Variants in COL14A1 observed in about 807,000 individuals in gnomAD.
COL14A1 encodes collagen type XIV alpha 1 chain.
COL14A1 carries 136 observed loss-of-function variants against 230.3 expected under a neutral mutation model. The observed-to-expected ratio is 0.59, with a 90% CI of 0.51 to 0.68. The LOEUF is 0.68. COL14A1 is among the 30% of genes least tolerant of loss of function. COL14A1 has a pLI of 0.00. For missense variants in COL14A1, 1,976 were observed against 2,215.8 expected (o/e 0.89, Z 2.17); for synonymous variants, 792 against 784.1 (o/e 1.01, Z -0.17).
intron 14 of COL14A1, among the ~76,000 whole-genome samples, chr8:120,219,364 A>G (rs1424495748): frequency 6.6e-6 from 1 of 152,176 alleles, no homozygotes; most frequent in Admixed American, 6.5e-5. Context: ...TTGGCCTCCC[A>G]AAGTGCTGGA....
intron 44 of COL14A1, 119 bp downstream of exon 44, chr8:120,342,565 A>T: frequency 3.3e-6 from 3 of 918,918 alleles, no homozygotes; most frequent in Non-Finnish European, 3.4e-6. Flanking sequence ...TTGTGCAGAC[A>T]CATAAGCTTT....
At chr8:120,132,990 G>T (rs1337646065) in intron 1 of COL14A1, among the ~76,000 whole-genome samples, 2 of 152,098 alleles carry the variant, frequency 1.3e-5, no homozygotes, top group African/African-American at 4.8e-5. Context: ...GGCCGAGACG[G>T]GCGGATCACG....
chr8:120,150,547 CCT>C (rs1305417958), intron 2 of COL14A1, among the ~76,000 whole-genome samples: 2 of 152,154 alleles, frequency 1.3e-5, no homozygotes, highest in African/African-American at 4.8e-5. Flanking sequence ...CATCTTGACC[CCT>C]GTGTCATTAC....
chr8:120,348,875 A>C (rs564437893), intron 45 of COL14A1, among the ~76,000 whole-genome samples: 1 of 152,336 alleles, frequency 6.6e-6, no homozygotes, highest in Non-Finnish European at 1.5e-5. Flanking sequence ...GGACAAAAGA[A>C]ATTATTTTTA....
intron 46 of COL14A1, among the ~76,000 whole-genome samples, chr8:120,367,684 C>T (rs1056967891): frequency 6.7e-6 from 1 of 150,038 alleles, no homozygotes; most frequent in Non-Finnish European, 1.5e-5. Context: ...TCCTGTAAGC[C>T]CAGCGTTTTG....
intron 45 of COL14A1, among the ~76,000 whole-genome samples, chr8:120,355,504 C>A (rs181162861): frequency 1.7e-3 from 254 of 151,894 alleles, no homozygotes; most frequent in African/African-American, 5.8e-3. Flanking sequence ...CCTCCGCCCC[C>A]CGGGTTCAAG....
chr8:120,226,718 G>A lies in COL14A1; in HGVS notation c.1956G>A (p.Gly652=), dbSNP rs1400515612. Residue 652 remains glycine, a synonymous_variant, in exon 16 of 48, where the codon GGG becomes GGA. Coordinates refer to ENST00000297848, the MANE Select transcript of COL14A1 (RefSeq NM_021110.4). ...VTWHPLSADE[G]LHKLMWIPVY... is the part of the protein sequence containing the mutation. The stretch of plus-strand genomic sequence containing the variant: ...GGCATCCCCTCTCAGCTGATGAAGG[G>A]CTACACAAATTGATGTGGATTCCAG... The A allele has an allele frequency of 6.2e-7, 1 of 1,613,798 alleles. No homozygotes were observed. Among genetic ancestry groups the A allele is most frequent in the South Asian group, 1.1e-5 (1 of 91,024 alleles).
rs558179890 is a variant in COL14A1 at position 120,316,833 on chromosome 8, A to G, written c.4659+836A>G. 1.2e-3 allele frequency among the ~76,000 whole-genome samples: 178 copies of G among 152,222 alleles called. 1 individual carries two copies. The highest frequency in any genetic ancestry group is 4.2e-3 in the African/African-American group (173 of 41,550). ...CAAGGGAAGGTGGAGCATTTCCAAT[A>G]TTGTACATCGTTTAGTATGGCAGAA... On this transcript the variant is annotated intron_variant, in intron 40 of 47. Transcript: ENST00000297848.
At chr8:120,235,249 A>C (rs1818402538) in intron 19 of COL14A1, among the ~76,000 whole-genome samples, 1 of 152,002 alleles carries the variant, frequency 6.6e-6, no homozygotes, top group African/African-American at 2.4e-5. Context: ...GGTTCACTGC[A>C]ACCTCCTCCT....
intron 36 of COL14A1, among the ~76,000 whole-genome samples, chr8:120,309,067 T>C (rs556194345): frequency 4.9e-4 from 75 of 152,292 alleles, no homozygotes; most frequent in Non-Finnish European, 8.5e-4. Flanking sequence ...CCTGAGTAGC[T>C]GGGACTGCAG....
At chr8:120,347,172 C>T (rs928215287) in intron 45 of COL14A1, among the ~76,000 whole-genome samples, 6 of 152,048 alleles carry the variant, frequency 3.9e-5, no homozygotes, top group African/African-American at 1.2e-4. Context: ...CTTGCCAGAC[C>T]GAGTCTCTCC....
chr8:120,357,509 A>C (rs1044033105), intron 45 of COL14A1, among the ~76,000 whole-genome samples: 1 of 152,120 alleles, frequency 6.6e-6, no homozygotes, highest in African/African-American at 2.4e-5. Flanking sequence ...TATTTGTTAG[A>C]AGGGAGTCAC....
At chr8:120,208,391 C>A in intron 11 of COL14A1, 30 bp downstream of exon 11, 2 of 1,603,320 alleles carry the variant, frequency 1.2e-6, no homozygotes, top group Non-Finnish European at 1.7e-6. Flanking sequence ...CCACTTCTAA[C>A]TTTGTAGAGT....
In COL14A1 at chr8:120,226,787, T is replaced by C. The variant is rs760557608; in HGVS notation, c.2004+21T>C. 1.1e-5 allele frequency: 17 copies of C among 1,609,216 alleles called. 1 individual carries two copies. The highest frequency in any genetic ancestry group is 8.5e-7 in the Non-Finnish European group (1 of 1,176,846). On this transcript the variant is annotated intron_variant, in intron 16 of 47. Transcript: ENST00000297848. Reference sequence around the variant, plus strand: ...AGGAGGTGAGTTTTCTGAAACAGACTGAAAATTAATCTGGAGCATTAGTGA... The same window carrying C: ...AGGAGGTGAGTTTTCTGAAACAGACCGAAAATTAATCTGGAGCATTAGTGA...
In COL14A1 at chr8:120,229,700, A is replaced by G. The variant is rs565599662; in HGVS notation, c.2197+931A>G. ...AGGAATCGCCACACTGTCTTCCACAATGATTGAACTAGTTTACAGTCCCAC... is the reference window on the plus strand; with the variant it reads ...AGGAATCGCCACACTGTCTTCCACAGTGATTGAACTAGTTTACAGTCCCAC... On this transcript the variant is annotated intron_variant, in intron 18 of 47. Coordinates refer to ENST00000297848, the MANE Select transcript of COL14A1 (RefSeq NM_021110.4). Among the ~76,000 whole-genome samples the G allele has an allele frequency of 1.0e-3, 157 of 152,270 alleles. 1 individual carries two copies. The highest frequency in any genetic ancestry group is 3.5e-3 in the African/African-American group (147 of 41,536).
intron 5 of COL14A1, among the ~76,000 whole-genome samples, chr8:120,178,349 A>G (rs1377001046): frequency 2.0e-5 from 3 of 152,104 alleles, no homozygotes; most frequent in African/African-American, 4.8e-5. Context: ...TTCCTGTGTT[A>G]GTTTGCTGAG....
intron 14 of COL14A1, among the ~76,000 whole-genome samples, chr8:120,224,783 C>T (rs769494447): frequency 1.1e-4 from 17 of 152,198 alleles, no homozygotes; most frequent in Non-Finnish European, 2.4e-4. Context: ...AAAAAACTGG[C>T]TGCTACTAGC....
In COL14A1 at chr8:120,214,884, T is replaced by C. The variant is rs142913746; in HGVS notation, c.1598-1467T>C. On this transcript the variant is annotated intron_variant, in intron 13 of 47. Coordinates refer to ENST00000297848, the MANE Select transcript of COL14A1 (RefSeq NM_021110.4). ...AGCAGGTGGCATATGGTCAGAAACC[T>C]GAAAGAGGCAAAGAAACTGGCTATG... Among the ~76,000 whole-genome samples the C allele has an allele frequency of 4.6e-3, 703 of 152,208 alleles. 7 individuals are homozygous for C. The highest frequency in any genetic ancestry group is 0.016 in the African/African-American group (667 of 41,532).
Position 120,283,667 on chromosome 8 carries a change from T to C in COL14A1, c.3856T>C (p.Tyr1286His), listed in dbSNP as rs1161009025. ...YLHPEGLPSD[Y>H]TISFLFRILP... ...GCACCCAGAAGGATTGCCCTCCGAC[T>C]ACACAATCAGTTTTCTATTCCGGAT... Residue 1286 changes from tyrosine to histidine, a missense_variant, in exon 32 of 48, where the codon TAC becomes CAC. Tyr to His is a moderately conservative substitution (Grantham distance 83). Transcript: ENST00000297848. The C allele has an allele frequency of 6.2e-7, 1 of 1,613,540 alleles. No homozygotes were observed. The highest frequency in any genetic ancestry group is 2.2e-5 in the East Asian group (1 of 44,832).
Sources: allele counts gnomAD v4.1 joint callset (sites outside exome capture counted in the v4.1 genomes callset), GRCh38; gene constraint gnomAD v4.1.1; transcripts MANE v1.5; gene names NCBI Gene and HGNC (gene_info 2026-07-23, HGNC 2026-07-21).